RIMS2: variants seen among roughly 807,000 people sequenced by gnomAD.
RIMS2 encodes the protein regulating synaptic membrane exocytosis 2, also known as regulating synaptic membrane exocytosis protein 2.
RIMS2 carries 59 observed loss-of-function variants against 174.4 expected under a neutral mutation model. That is an observed-to-expected ratio of 0.34 (90% confidence interval 0.27 to 0.42). The LOEUF is 0.42. Among genes scored for constraint, RIMS2 ranks in the 10% least tolerant of loss-of-function variants. The pLI is 1.00. For missense variants in RIMS2, 1,620 were observed against 1,666.3 expected, an observed-to-expected ratio of 0.97 and a Z score of 0.48; for synonymous variants, 606 against 572.5, an observed-to-expected ratio of 1.06 and a Z score of -0.84.
intron 12 of RIMS2, among the ~76,000 whole-genome samples, chr8:103,933,754 A>G (rs10108247): frequency 0.38 from 58,069 of 152,064 alleles, 11,795 homozygotes; most frequent in Non-Finnish European, 0.44. Flanking sequence ...GCCTAACTCA[A>G]AAAGTTACAT....
chr8:103,781,280 T>A (rs142545015), intron 3 of RIMS2, among the ~76,000 whole-genome samples: 1 of 151,838 alleles, frequency 6.6e-6, no homozygotes, highest in Admixed American at 6.6e-5. Context: ...TTGCCTGGAG[T>A]TTTTTCACTT....
chr8:103,755,905 G>A (rs1054901696), intron 2 of RIMS2, among the ~76,000 whole-genome samples: 32 of 152,044 alleles, frequency 2.1e-4, no homozygotes, highest in Non-Finnish European at 3.8e-4. Flanking sequence ...TGTTATTACT[G>A]ACCTTCTGAA....
chr8:104,231,308 G>A (rs2139257401), intron 19 of RIMS2, among the ~76,000 whole-genome samples: 1 of 151,574 alleles, frequency 6.6e-6, no homozygotes, highest in East Asian at 1.9e-4. Flanking sequence ...CTCCTACTAA[G>A]TAAAGCCTTT....
chr8:103,582,905 A>C (rs1403554508), intron 1 of RIMS2, among the ~76,000 whole-genome samples: 1 of 152,186 alleles, frequency 6.6e-6, no homozygotes, highest in Admixed American at 6.5e-5. Context: ...TTGCTTTGCC[A>C]CCTGCTTATT....
chr8:103,924,208 A>G (rs932080941), intron 10 of RIMS2, among the ~76,000 whole-genome samples: 3 of 151,728 alleles, frequency 2.0e-5, no homozygotes, highest in Admixed American at 6.6e-5. Flanking sequence ...TCTATTTTCA[A>G]ATTTTTCCTT....
At chr8:103,594,750 G>A (rs1588528123) in intron 1 of RIMS2, among the ~76,000 whole-genome samples, 1 of 151,824 alleles carries the variant, frequency 6.6e-6, no homozygotes, top group Non-Finnish European at 1.5e-5. Context: ...TCAAGACAAA[G>A]AAAGAAAATA....
chr8:103,829,086 G>GTTT (rs34072454), intron 3 of RIMS2, among the ~76,000 whole-genome samples: 108 of 134,622 alleles, frequency 8.0e-4, no homozygotes, highest in African/African-American at 2.6e-3. Flanking sequence ...TTAATAATAG[G>GTTT]TTTTTTTTTT....
At chr8:103,834,692 C>CTTTCTTTCT (rs2098849726) in intron 3 of RIMS2, among the ~76,000 whole-genome samples, 1 of 63,140 alleles carries the variant, frequency 1.6e-5, no homozygotes, top group African/African-American at 7.5e-5. Flanking sequence ...TTCTTTCTTT[C>CTTTCTTTCT]TTTCTTTCTT....
At chr8:103,858,640 G>C (rs2099041102) in intron 3 of RIMS2, among the ~76,000 whole-genome samples, 1 of 149,380 alleles carries the variant, frequency 6.7e-6, no homozygotes, top group Non-Finnish European at 1.5e-5. Context: ...TCTCCTAGCT[G>C]AATAGTATAG....
chr8:103,755,068 G>A (rs1023392454), intron 2 of RIMS2, among the ~76,000 whole-genome samples: 10 of 152,074 alleles, frequency 6.6e-5, no homozygotes, highest in Admixed American at 2.6e-4. Flanking sequence ...GGCTGGTACC[G>A]GTTGTTCCTT....
chr8:104,253,338 A>C (rs1385024882), downstream of RIMS2: 1 of 152,190 alleles, frequency 6.6e-6, no homozygotes, highest in East Asian at 1.9e-4. Context: ...GAATAGAAGC[A>C]CTGCTAAAAA....
At chr8:103,560,422 A>G (rs369193801) in intron 1 of RIMS2, among the ~76,000 whole-genome samples, 44 of 152,320 alleles carry the variant, frequency 2.9e-4, no homozygotes, top group Middle Eastern at 3.4e-3. Context: ...ACTTGATCTT[A>G]TCTATCTCTA....
chr8:103,606,319 G>A (rs2095078291), intron 1 of RIMS2, among the ~76,000 whole-genome samples: 1 of 148,456 alleles, frequency 6.7e-6, no homozygotes, highest in South Asian at 2.2e-4. Context: ...TTTTGAGTGA[G>A]ATTCTTAATC....
intron 14 of RIMS2, among the ~76,000 whole-genome samples, chr8:103,955,516 T>C (rs976115649): frequency 1.3e-5 from 2 of 152,100 alleles, no homozygotes; most frequent in Non-Finnish European, 2.9e-5. Context: ...ATTATCTCAA[T>C]AGATGCAGAA....
At chr8:103,650,735 A>G (rs2096436681) in intron 1 of RIMS2, among the ~76,000 whole-genome samples, 1 of 152,204 alleles carries the variant, frequency 6.6e-6, no homozygotes, top group South Asian at 2.1e-4. Flanking sequence ...CTCCTCATCC[A>G]AACTGCCTGT....
At chr8:104,059,752 C>G (rs893788965) in intron 19 of RIMS2, among the ~76,000 whole-genome samples, 2 of 151,672 alleles carry the variant, frequency 1.3e-5, no homozygotes, top group Admixed American at 1.3e-4. Flanking sequence ...CCATCAATAC[C>G]TAATTTATTG....
intron 3 of RIMS2, among the ~76,000 whole-genome samples, chr8:103,851,359 A>G (rs1224307199): frequency 6.6e-6 from 1 of 151,880 alleles, no homozygotes; most frequent in Non-Finnish European, 1.5e-5. Context: ...TAATTTTGAT[A>G]ATTCAGAAAT....
intron 1 of RIMS2, among the ~76,000 whole-genome samples, chr8:103,587,409 G>GAAAGAAAGA (rs1554653342): frequency 1.7e-5 from 2 of 117,044 alleles, no homozygotes; most frequent in Admixed American, 9.2e-5. Flanking sequence ...GAAGAAAAAA[G>GAAAGAAAGA]AAGAAAGAAA....
chr8:104,059,239 T>A (rs1316890953), intron 19 of RIMS2, among the ~76,000 whole-genome samples: 16 of 150,944 alleles, frequency 1.1e-4, no homozygotes, highest in Non-Finnish European at 1.9e-4. Context: ...TCCTCTTTTA[T>A]TTCCTTGAGC....
Sources: allele counts gnomAD v4.1 joint callset (sites outside exome capture counted in the v4.1 genomes callset), GRCh38; gene constraint gnomAD v4.1.1; transcripts MANE v1.5; gene names NCBI Gene and HGNC (gene_info 2026-07-23, HGNC 2026-07-21).